The following TGFBR3 variants were observed in gnomAD, a reference collection of about 807,000 sequenced individuals.
TGFBR3 encodes transforming growth factor beta receptor type 3.
A neutral mutation model predicts 87.9 loss-of-function variants in TGFBR3; 46 were observed. That is an observed-to-expected ratio of 0.52 (90% CI 0.41 to 0.67). The LOEUF (loss-of-function observed/expected upper bound fraction) is 0.67. Ranked by LOEUF, TGFBR3 falls within the 30% of genes least tolerant of loss-of-function variation. The probability of loss-of-function intolerance (pLI) is 0.00; values close to 1 mark genes in which losing one functional copy is unlikely to be tolerated. For missense variants in TGFBR3, 866 were observed against 1,041.9 expected, an observed-to-expected ratio of 0.83 and a Z score of 2.32; for synonymous variants, 381 against 391.6, an observed-to-expected ratio of 0.97 and a Z score of 0.32.
chr1:91,855,050 G>A (rs1677886670), intron 2 of TGFBR3, among the ~76,000 whole-genome samples: 1 of 152,120 alleles, frequency 6.6e-6, no homozygotes, highest in Non-Finnish European at 1.5e-5. Flanking sequence ...TAACCAGCTG[G>A]TATCTCAGCT....
intron 3 of TGFBR3, among the ~76,000 whole-genome samples, chr1:91,769,022 C>A (rs1674281465): frequency 6.6e-6 from 1 of 152,128 alleles, no homozygotes; most frequent in Admixed American, 6.5e-5. Flanking sequence ...TGACTCAGAG[C>A]CAGGCATTAG....
intron 1 of TGFBR3, among the ~76,000 whole-genome samples, chr1:91,873,046 C>T (rs1205535966): frequency 6.6e-6 from 1 of 152,018 alleles, no homozygotes; most frequent in Non-Finnish European, 1.5e-5. Context: ...TCACTGCAGC[C>T]TCGAACTCCT....
At chr1:91,886,152 AC>A (rs1679299998), upstream of TGFBR3, 1 of 453,728 alleles carries the variant, frequency 2.2e-6, no homozygotes, top group Non-Finnish European at 4.4e-6. Flanking sequence ...ACCCTCGATT[AC>A]CCCCATCAGG....
At chr1:91,797,247 A>C in intron 3 of TGFBR3, 40 bp downstream of exon 3, 1 of 1,606,206 alleles carries the variant, frequency 6.2e-7, no homozygotes, top group South Asian at 1.1e-5. Flanking sequence ...ATCTCTGCAG[A>C]CTCAGTGGCA....
chr1:91,829,362 C>T (rs1306739561), intron 2 of TGFBR3, among the ~76,000 whole-genome samples: 5 of 149,046 alleles, frequency 3.4e-5, no homozygotes, highest in East Asian at 2.0e-4. Context: ...AGCAACAGAG[C>T]GAGACTCGAA....
chr1:91,718,913 G>A (rs1396901873), intron 10 of TGFBR3, among the ~76,000 whole-genome samples: 2 of 152,168 alleles, frequency 1.3e-5, no homozygotes, highest in African/African-American at 4.8e-5. Flanking sequence ...AGACTCAAAT[G>A]AGGCCAGAGA....
intron 3 of TGFBR3, among the ~76,000 whole-genome samples, chr1:91,787,445 G>T (rs1436016837): frequency 6.6e-6 from 1 of 152,140 alleles, no homozygotes; most frequent in Non-Finnish European, 1.5e-5. Flanking sequence ...TCTAACATGG[G>T]AGCGAACCAC....
intron 9 of TGFBR3, 81 bp from the exon 10 acceptor site, chr1:91,719,545 G>C: frequency 6.4e-7 from 1 of 1,564,282 alleles, no homozygotes; most frequent in Non-Finnish European, 8.8e-7. Context: ...ACAATTGCCT[G>C]GTCTTCCAAG....
chr1:91,811,062 G>A (rs1202241473), intron 2 of TGFBR3, among the ~76,000 whole-genome samples: 2 of 152,172 alleles, frequency 1.3e-5, no homozygotes, highest in Non-Finnish European at 2.9e-5. Flanking sequence ...TGTAATCCCA[G>A]CACTTTGGGA....
At chr1:91,851,179 G>C (rs1045780197) in intron 2 of TGFBR3, among the ~76,000 whole-genome samples, 1 of 152,066 alleles carries the variant, frequency 6.6e-6, no homozygotes, top group African/African-American at 2.4e-5. Context: ...GGAGGGCAGG[G>C]GAATAGCTGG....
At chr1:91,797,055 C>T (rs1160186936) in intron 3 of TGFBR3, among the ~76,000 whole-genome samples, 3 of 152,076 alleles carry the variant, frequency 2.0e-5, no homozygotes, top group Non-Finnish European at 2.9e-5. Context: ...TTCTTATGAA[C>T]GTTTTTTTCC....
chr1:91,819,347 G>T (rs1033474024), intron 2 of TGFBR3, among the ~76,000 whole-genome samples: 2 of 150,618 alleles, frequency 1.3e-5, no homozygotes, highest in African/African-American at 4.9e-5. Context: ...CAGCCTGGGT[G>T]ACAGAGCAAG....
intron 1 of TGFBR3, among the ~76,000 whole-genome samples, chr1:91,865,202 C>CAAAAAAAAAA (rs67134125): frequency 1.0e-4 from 11 of 105,180 alleles, no homozygotes; most frequent in East Asian, 2.7e-4. Context: ...GACTCCATCT[C>CAAAAAAAAAA]AAAAAAAAAA....
At chr1:91,884,098 G>C (rs1377825217) in intron 1 of TGFBR3, among the ~76,000 whole-genome samples, 1 of 152,120 alleles carries the variant, frequency 6.6e-6, no homozygotes, top group East Asian at 1.9e-4. Context: ...GAGGCAGGTG[G>C]ATCACGAGGT....
chr1:91,849,672 CTGTTT>C (rs1413983480), intron 2 of TGFBR3, among the ~76,000 whole-genome samples: 1 of 152,184 alleles, frequency 6.6e-6, no homozygotes, highest in Non-Finnish European at 1.5e-5. Context: ...GGATTTTTAT[CTGTTT>C]TGTTTACTAC....
chr1:91,886,971 T>G (rs1003979091), upstream of TGFBR3, among the ~76,000 whole-genome samples: 11 of 152,176 alleles, frequency 7.2e-5, no homozygotes, highest in African/African-American at 2.7e-4. Context: ...GAAGTTGAAC[T>G]GCTGGCACCA....
At chr1:91,795,514 T>G (rs1384735538) in intron 3 of TGFBR3, among the ~76,000 whole-genome samples, 1 of 152,214 alleles carries the variant, frequency 6.6e-6, no homozygotes, top group African/African-American at 2.4e-5. Flanking sequence ...TTCTCTTGTT[T>G]CAGTAGTCTT....
At chr1:91,690,671 T>C (rs1347281553) in intron 16 of TGFBR3, among the ~76,000 whole-genome samples, 1 of 152,152 alleles carries the variant, frequency 6.6e-6, no homozygotes, top group Non-Finnish European at 1.5e-5. Context: ...TTGCCAAATA[T>C]AATTTGTTGC....
intron 3 of TGFBR3, among the ~76,000 whole-genome samples, chr1:91,773,775 T>C (rs2100940256): frequency 6.6e-6 from 1 of 152,344 alleles, no homozygotes; most frequent in South Asian, 2.1e-4. Context: ...CACACTAAAA[T>C]GATCTGTGTA....
Sources: allele counts gnomAD v4.1 joint callset (sites outside exome capture counted in the v4.1 genomes callset), GRCh38; gene constraint gnomAD v4.1.1; transcripts MANE v1.5; gene names NCBI Gene and HGNC (gene_info 2026-07-23, HGNC 2026-07-21).